GRIN2B: variants seen among roughly 807,000 people sequenced by gnomAD.
GRIN2B encodes the protein glutamate ionotropic receptor NMDA type subunit 2B.
A neutral mutation model predicts 114.5 loss-of-function variants in GRIN2B; 5 were observed. The observed-to-expected ratio is 0.04, with a 90% CI of 0.02 to 0.09. The LOEUF is 0.09. GRIN2B is among the 10% of genes least tolerant of loss of function. The pLI is 1.00. For missense variants in GRIN2B, 1,108 were observed against 1,943.5 expected, an observed-to-expected ratio of 0.57 and a Z score of 8.08; for synonymous variants, 787 against 745.1, an observed-to-expected ratio of 1.06 and a Z score of -0.92.
At chr12:13,747,951 T>C (rs1292451673) in intron 4 of GRIN2B, among the ~76,000 whole-genome samples, 1 of 152,170 alleles carries the variant, frequency 6.6e-6, no homozygotes, top group African/African-American at 2.4e-5. Context: ...GGCTCATACA[T>C]TGGTTCCAAA....
chr12:13,671,525 G>A (rs1314745865), intron 5 of GRIN2B, among the ~76,000 whole-genome samples: 1 of 152,100 alleles, frequency 6.6e-6, no homozygotes. Context: ...AATCTTCCTT[G>A]ACCCGAGATG....
In GRIN2B at chr12:13,557,320, C is replaced by A. The variant is rs1171972405; in HGVS notation, c.*5463G>T. 2 of 152,186 alleles carry A rather than the reference C, an allele frequency of 1.3e-5. No individual in the cohort carries two copies. The highest frequency in any genetic ancestry group is 6.5e-5 in the Admixed American group (1 of 15,272). 9.4% of individuals were successfully genotyped at this position (152,186 alleles called of 1,614,324 possible). On this transcript the variant is annotated 3_prime_UTR_variant, in exon 14 of 14. Transcript: ENST00000609686. ...AACAATTGCCCCCCAGGTTAAGTAG[C>A]ACCTGAGGTCATAAGTGGCTCTTTT...
chr12:13,554,684 A>T lies in GRIN2B; in HGVS notation c.*8099T>A, dbSNP rs1032662241. 3.9e-5 allele frequency: 6 copies of T among 152,208 alleles called. No individual in the cohort carries two copies. The highest frequency in any genetic ancestry group is 1.3e-4 in the Admixed American group (2 of 15,274). 9.4% of individuals were successfully genotyped at this position (152,208 alleles called of 1,614,324 possible). ...ACAAGAGTAGATTCAAATATAAAAT[A>T]TTGGAACAATGCTAAAAGACGCTGA... On this transcript the variant is annotated 3_prime_UTR_variant, in exon 14 of 14. Transcript: ENST00000609686.
At chr12:13,576,141 G>T (rs935445524) in intron 10 of GRIN2B, among the ~76,000 whole-genome samples, 1 of 152,106 alleles carries the variant, frequency 6.6e-6, no homozygotes, top group African/African-American at 2.4e-5. Context: ...TGAGATCTGT[G>T]AAGTTTACAT....
At chr12:13,607,194 A>T (rs1184623635) in intron 10 of GRIN2B, among the ~76,000 whole-genome samples, 46 of 116,032 alleles carry the variant, frequency 4.0e-4, no homozygotes, top group African/African-American at 1.6e-3. Context: ...ATATATAAAA[A>T]ATATATATAA....
rs540180758 is a variant in GRIN2B at position 13,624,173 on chromosome 12, T to C, written c.1126-7516A>G. Reference sequence around the variant, plus strand: ...TAAAATGTTAGCTGTATTTCAAAATTCATATCTCTGAACTGGTCCTTAAGC... The same window carrying C: ...TAAAATGTTAGCTGTATTTCAAAATCCATATCTCTGAACTGGTCCTTAAGC... On this transcript the variant is annotated intron_variant, in intron 5 of 13. Coordinates refer to ENST00000609686, the MANE Select transcript of GRIN2B (RefSeq NM_000834.5). 1.8e-4 allele frequency among the ~76,000 whole-genome samples: 28 copies of C among 152,352 alleles called. No individual in the cohort carries two copies. In the South Asian group the frequency reaches 4.8e-3, roughly 26 times the overall value.
intron 10 of GRIN2B, among the ~76,000 whole-genome samples, chr12:13,607,335 T>TTA (rs1231226406): frequency 7.2e-5 from 4 of 55,188 alleles, no homozygotes; most frequent in African/African-American, 3.0e-4. Context: ...ATAATATATA[T>TTA]TATATATAAT....
At chr12:13,923,668 G>A (rs745780204) in intron 2 of GRIN2B, among the ~76,000 whole-genome samples, 1 of 152,154 alleles carries the variant, frequency 6.6e-6, no homozygotes, top group Admixed American at 6.6e-5. Flanking sequence ...TACACTTGCT[G>A]TTTTCCAACA....
chr12:13,870,501 TTGCTCAGAGCA>T (rs1236215125), intron 2 of GRIN2B, among the ~76,000 whole-genome samples: 1 of 152,120 alleles, frequency 6.6e-6, no homozygotes, highest in Non-Finnish European at 1.5e-5. Context: ...AGTCTACACT[TTGCTCAGAGCA>T]GGCTCAGAGC....
chr12:13,579,478 TTAAG>T (rs2136424808), intron 10 of GRIN2B, among the ~76,000 whole-genome samples: 1 of 152,310 alleles, frequency 6.6e-6, no homozygotes, highest in African/African-American at 2.4e-5. Context: ...CTCATAAAGT[TTAAG>T]TATTCAACCA....
chr12:13,592,394 T>C (rs1949019603), intron 10 of GRIN2B, among the ~76,000 whole-genome samples: 1 of 152,172 alleles, frequency 6.6e-6, no homozygotes, highest in Non-Finnish European at 1.5e-5. Context: ...AGCATGACCC[T>C]ATAAAACTCC....
intron 4 of GRIN2B, among the ~76,000 whole-genome samples, chr12:13,750,465 G>A (rs1181842374): frequency 3.3e-5 from 5 of 152,196 alleles, no homozygotes; most frequent in Non-Finnish European, 7.3e-5. Context: ...GTTAAAAGTA[G>A]GCATTCCTGG....
intron 5 of GRIN2B, among the ~76,000 whole-genome samples, chr12:13,647,175 A>C (rs890213342): frequency 6.6e-6 from 1 of 152,144 alleles, no homozygotes; most frequent in African/African-American, 2.4e-5. Flanking sequence ...TGACCCCCAG[A>C]AACTGTGATA....
rs1487911730 is a variant in GRIN2B at position 13,556,570 on chromosome 12, A to C, written c.*6213T>G. On this transcript the variant is annotated 3_prime_UTR_variant, in exon 14 of 14. Coordinates refer to ENST00000609686, the MANE Select transcript of GRIN2B (RefSeq NM_000834.5). ...CAACATTAAAATAATTACCGATAAAAGAGTTCAGGTTTAAAGTGTGGAAAC... is the reference window on the plus strand; with the variant it reads ...CAACATTAAAATAATTACCGATAAACGAGTTCAGGTTTAAAGTGTGGAAAC... 11 of 152,210 alleles carry C rather than the reference A, an allele frequency of 7.2e-5. No homozygotes were observed. The highest frequency in any genetic ancestry group is 1.6e-4 in the Non-Finnish European group (11 of 68,038). The allele number at this position is 152,210 out of a possible 1,614,324, so 9.4% of individuals were successfully genotyped here.
intron 2 of GRIN2B, among the ~76,000 whole-genome samples, chr12:13,965,026 G>A (rs943691569): frequency 1.2e-4 from 19 of 152,142 alleles, no homozygotes; most frequent in Admixed American, 7.9e-4. Context: ...AGCCACTGCC[G>A]TCACTCCATT....
chr12:13,735,095 C>T (rs1369977696), intron 4 of GRIN2B, among the ~76,000 whole-genome samples: 1 of 152,146 alleles, frequency 6.6e-6, no homozygotes, highest in Non-Finnish European at 1.5e-5. Flanking sequence ...GGACCACATC[C>T]AGTGGATAAA....
intron 10 of GRIN2B, among the ~76,000 whole-genome samples, chr12:13,581,492 GAA>G (rs10581339): frequency 0.34 from 52,322 of 151,910 alleles, 9,581 homozygotes; most frequent in Middle Eastern, 0.54. Flanking sequence ...CCCAGTGGGA[GAA>G]GAAGAAGGTC....
At chr12:13,887,382 T>C (rs1181964133) in intron 2 of GRIN2B, among the ~76,000 whole-genome samples, 1 of 152,178 alleles carries the variant, frequency 6.6e-6, no homozygotes, top group Non-Finnish European at 1.5e-5. Flanking sequence ...TCAATACTTT[T>C]GTAATTAGGA....
Position 13,615,094 on chromosome 12 carries a change from C to G in GRIN2B, c.1654+20G>C, listed in dbSNP as rs1160819541. 6.2e-7 allele frequency: 1 copy of G among 1,605,718 alleles called. No homozygotes were observed. Among genetic ancestry groups the G allele is most frequent in the Non-Finnish European group, 8.5e-7 (1 of 1,172,298 alleles). Reference sequence around the variant, plus strand: ...CCATCCATACGTCCATTTCCTTCCACCAGCAAACCCATCATTTACCTAAGA... The same window carrying G: ...CCATCCATACGTCCATTTCCTTCCAGCAGCAAACCCATCATTTACCTAAGA... On this transcript the variant is annotated intron_variant, in intron 8 of 13. Coordinates refer to ENST00000609686, the MANE Select transcript of GRIN2B (RefSeq NM_000834.5). This position sits in a 1 kb window ranked among gnomAD's most constrained non-coding sequence, Gnocchi z 5.8.
Sources: allele counts gnomAD v4.1 joint callset (sites outside exome capture counted in the v4.1 genomes callset), GRCh38; gene constraint gnomAD v4.1.1; non-coding constraint Gnocchi (gnomAD v3.1); transcripts MANE v1.5; gene names NCBI Gene and HGNC (gene_info 2026-07-23, HGNC 2026-07-21).